SGCD: variants seen among roughly 807,000 people sequenced by gnomAD.
SGCD encodes the protein sarcoglycan delta, also known as delta-sarcoglycan.
Under a neutral mutation model 36.6 loss-of-function variants are expected in SGCD, and 18 were observed. The observed-to-expected ratio is 0.49, with a 90% CI of 0.34 to 0.73. The LOEUF is 0.73. Among genes scored for constraint, SGCD ranks in the 30% least tolerant of loss-of-function variants. The pLI, the probability that SGCD is intolerant of heterozygous loss-of-function variation, is 0.01. For missense variants in SGCD, 387 were observed against 346.7 expected, an observed-to-expected ratio of 1.12 and a Z score of -0.92; for synonymous variants, 133 against 130.6, an observed-to-expected ratio of 1.02 and a Z score of -0.12.
intron 1 of SGCD, among the ~76,000 whole-genome samples, chr5:155,973,815 C>T (rs1029368064): frequency 6.6e-6 from 1 of 152,272 alleles, no homozygotes; most frequent in East Asian, 1.9e-4. Context: ...GTGCTTGCAA[C>T]TGCCATTACC....
At chr5:156,702,561 C>T (rs1428221408) in intron 7 of SGCD, among the ~76,000 whole-genome samples, 3 of 152,024 alleles carry the variant, frequency 2.0e-5, no homozygotes, top group Non-Finnish European at 4.4e-5. Flanking sequence ...CAATAAAAAG[C>T]AGTATGATTT....
At chr5:155,847,491 G>A in the SGCD span, among the ~76,000 whole-genome samples, 44 of 152,282 alleles carry the variant, frequency 2.9e-4, no homozygotes, top group South Asian at 5.2e-3. Context: ...CAAGAGTTGA[G>A]TTCTATTTCC....
At chr5:156,133,887 A>G (rs1762386996) in intron 3 of SGCD, among the ~76,000 whole-genome samples, 1 of 151,270 alleles carries the variant, frequency 6.6e-6, no homozygotes, top group Non-Finnish European at 1.5e-5. Flanking sequence ...AATCTTGTAC[A>G]GATTTAGGTC....
chr5:155,916,378 A>G (rs1409949916), intron 1 of SGCD, among the ~76,000 whole-genome samples: 2 of 152,198 alleles, frequency 1.3e-5, no homozygotes, highest in South Asian at 2.1e-4. Context: ...AAAGTTCTTT[A>G]AAAATAATGA....
chr5:156,421,423 C>A (rs780396731), intron 3 of SGCD, among the ~76,000 whole-genome samples: 11 of 152,064 alleles, frequency 7.2e-5, no homozygotes, highest in Non-Finnish European at 1.3e-4. Flanking sequence ...GTATTGGTTT[C>A]TTCGAAGAAA....
At chr5:156,322,229 G>A (rs1006284311), upstream of SGCD, among the ~76,000 whole-genome samples, 2 of 152,208 alleles carry the variant, frequency 1.3e-5, no homozygotes, top group African/African-American at 4.8e-5. Flanking sequence ...TATGAGACAA[G>A]TTGGTTTCCT....
At chr5:156,743,551 T>G (rs1355989153) in intron 7 of SGCD, among the ~76,000 whole-genome samples, 3 of 151,170 alleles carry the variant, frequency 2.0e-5, no homozygotes, top group Non-Finnish European at 3.0e-5. Context: ...TAATCCATGT[T>G]TATTAACTAA....
At chr5:156,528,381 G>T (rs1269671329) in intron 4 of SGCD, among the ~76,000 whole-genome samples, 2 of 152,082 alleles carry the variant, frequency 1.3e-5, no homozygotes, top group African/African-American at 4.8e-5. Flanking sequence ...TATATTATTA[G>T]CATTTATTAA....
At chr5:156,751,473 A>G (rs552300481) in intron 7 of SGCD, among the ~76,000 whole-genome samples, 7 of 152,232 alleles carry the variant, frequency 4.6e-5, no homozygotes, top group Admixed American at 1.3e-4. Context: ...TGTCTGCATT[A>G]AAATGTAAAA....
chr5:155,783,459 C>T, the SGCD span, among the ~76,000 whole-genome samples: 2 of 152,194 alleles, frequency 1.3e-5, no homozygotes, highest in South Asian at 4.1e-4. Flanking sequence ...CTCTTGATAA[C>T]AGATAATCTA....
chr5:156,500,458 C>A (rs113582177), intron 3 of SGCD, among the ~76,000 whole-genome samples: 49 of 152,252 alleles, frequency 3.2e-4, no homozygotes, highest in African/African-American at 1.2e-3. Context: ...AAGAGATTAT[C>A]TTGAGACTTG....
At chr5:155,870,971 C>T (rs1054436662) in intron 1 of SGCD, among the ~76,000 whole-genome samples, 13 of 151,842 alleles carry the variant, frequency 8.6e-5, no homozygotes, top group African/African-American at 2.7e-4. Context: ...TTTGCAGGGT[C>T]GGAAAGTACA....
At chr5:156,498,300 G>A (rs1245572155) in intron 3 of SGCD, among the ~76,000 whole-genome samples, 3 of 143,162 alleles carry the variant, frequency 2.1e-5, no homozygotes, top group Non-Finnish European at 4.5e-5. Flanking sequence ...GGTTATATTT[G>A]TATGCTGTAA....
chr5:156,291,890 A>C (rs2174420), intron 3 of SGCD, among the ~76,000 whole-genome samples: 19,335 of 152,136 alleles, frequency 0.13, 2,921 homozygotes, highest in African/African-American at 0.37. Flanking sequence ...AATCTCTTAG[A>C]AATTTTCAAA....
chr5:155,848,245 G>T, the SGCD span, among the ~76,000 whole-genome samples: 1 of 152,254 alleles, frequency 6.6e-6, no homozygotes, highest in South Asian at 2.1e-4. Context: ...GCAGAGACTG[G>T]ATGAGGGAAT....
At chr5:155,938,491 A>G (rs976354382) in intron 1 of SGCD, among the ~76,000 whole-genome samples, 5 of 152,170 alleles carry the variant, frequency 3.3e-5, no homozygotes, top group African/African-American at 1.2e-4. Flanking sequence ...TTCATTAATC[A>G]CCCTGTCCTT....
At chr5:156,713,146 C>T (rs1755067766) in intron 7 of SGCD, among the ~76,000 whole-genome samples, 1 of 151,980 alleles carries the variant, frequency 6.6e-6, no homozygotes, top group Non-Finnish European at 1.5e-5. Flanking sequence ...GGAGATACTC[C>T]CCAAAATGTC....
At chr5:156,322,556 C>A (rs1332868048), upstream of SGCD, among the ~76,000 whole-genome samples, 1 of 152,102 alleles carries the variant, frequency 6.6e-6, no homozygotes, top group Non-Finnish European at 1.5e-5. Flanking sequence ...GCTTATATAA[C>A]AGGGGACTGT....
intron 3 of SGCD, among the ~76,000 whole-genome samples, chr5:156,166,463 C>A (rs983011919): frequency 6.6e-6 from 1 of 152,092 alleles, no homozygotes; most frequent in Non-Finnish European, 1.5e-5. Context: ...ACTACAGATG[C>A]CAGACACCAC....
Sources: allele counts gnomAD v4.1 joint callset (sites outside exome capture counted in the v4.1 genomes callset), GRCh38; gene constraint gnomAD v4.1.1; transcripts MANE v1.5; gene names NCBI Gene and HGNC (gene_info 2026-07-23, HGNC 2026-07-21).